DIXDC1: variants seen among roughly 807,000 people sequenced by gnomAD.
DIXDC1 encodes the protein dixin.
In DIXDC1, 64 loss-of-function variants were observed where a neutral mutation model predicts 103.1. The observed-to-expected ratio is 0.62, with a 90% confidence interval of 0.51 to 0.76. DIXDC1 has a LOEUF of 0.76. Ranked by LOEUF, DIXDC1 falls within the 30% of genes least tolerant of loss-of-function variation. The pLI is 0.00. For synonymous variants in DIXDC1, 266 were observed against 298.5 expected (o/e 0.89, Z 1.12); for missense variants, 759 against 834.2 (o/e 0.91, Z 1.11).
In DIXDC1 at chr11:111,982,324, CTT is replaced by C; in HGVS notation, c.770-12_770-11del. ...TTCTTCAACATGAACTGTACTCCCTCTTTTCATTTTTTAGAAGGGACAGATTC... is the reference window on the plus strand; with the variant it reads ...TTCTTCAACATGAACTGTACTCCCTCTTCATTTTTTAGAAGGGACAGATTC... On this transcript the variant is annotated splice_polypyrimidine_tract_variant and intron_variant, in intron 6 of 19. Transcript: ENST00000440460. 1 of 1,611,102 alleles carries C rather than the reference CTT, an allele frequency of 6.2e-7. No individual in the cohort carries two copies. Among genetic ancestry groups the C allele is most frequent in the Non-Finnish European group, 8.5e-7 (1 of 1,179,032 alleles).
chr11:111,977,312 C>CGGA lies in DIXDC1; in HGVS notation c.656+2330_656+2332dup. 1 of 1,045,896 alleles carries CGGA rather than the reference C, an allele frequency of 9.6e-7. No individual in the cohort carries two copies. The highest frequency in any genetic ancestry group is 1.2e-6 in the Non-Finnish European group (1 of 868,318). 64.8% of individuals were successfully genotyped at this position (1,045,896 alleles called of 1,614,324 possible). The stretch of plus-strand genomic sequence containing the variant: ...GCAGAGGGTGGGGCGGGGAGGGATC[C>CGGA]GGAAGGTGGCACGGAGTGGGATCGC... On this transcript the variant is annotated intron_variant, in intron 5 of 19. Coordinates refer to ENST00000440460, the MANE Select transcript of DIXDC1 (RefSeq NM_001037954.4). The surrounding 1 kb of genome is among the most constrained non-coding windows in gnomAD (Gnocchi z 6.1).
intron 1 of DIXDC1, among the ~76,000 whole-genome samples, chr11:111,956,038 C>T (rs7931988): frequency 0.042 from 6,319 of 149,772 alleles, 443 homozygotes; most frequent in African/African-American, 0.15. Context: ...GACTATTATT[C>T]AGCCTTGAAA....
chr11:111,935,549 C>T (rs1191404860), upstream of DIXDC1, among the ~76,000 whole-genome samples: 1 of 152,170 alleles, frequency 6.6e-6, no homozygotes, highest in Non-Finnish European at 1.5e-5. Context: ...CCCAGGGATC[C>T]ACCAAGTAGG....
chr11:111,992,948 C>T lies in DIXDC1; in HGVS notation c.1219-3C>T, dbSNP rs781793458. 1.2e-6 allele frequency: 2 copies of T among 1,606,220 alleles called. No individual in the cohort carries two copies. The highest frequency in any genetic ancestry group is 1.7e-6 in the Non-Finnish European group (2 of 1,176,474). On this transcript the variant is annotated splice_region_variant and splice_polypyrimidine_tract_variant and intron_variant, in intron 11 of 19. Coordinates refer to ENST00000440460, the MANE Select transcript of DIXDC1 (RefSeq NM_001037954.4). ...TGCCATGAATTCTTTCTTATTCTTG[C>T]AGGTGGATCTGCAGAGGAAGCTAGA... is the stretch of plus-strand genomic sequence containing the variant.
At chr11:111,951,318 A>G (rs187479323) in intron 1 of DIXDC1, among the ~76,000 whole-genome samples, 8 of 152,340 alleles carry the variant, frequency 5.3e-5, no homozygotes, top group Admixed American at 2.0e-4. Flanking sequence ...GGGTAATTCT[A>G]CTAAACCTTC....
intron 1 of DIXDC1, among the ~76,000 whole-genome samples, chr11:111,951,902 G>T (rs1317392555): frequency 2.8e-5 from 4 of 144,110 alleles, no homozygotes; most frequent in Admixed American, 7.2e-5. Context: ...GTCTCACTCT[G>T]TCACCCAGGT....
chr11:111,937,283 C>G (rs587720030), upstream of DIXDC1: 13 of 1,311,894 alleles, frequency 9.9e-6, no homozygotes, highest in Middle Eastern at 8.7e-4. Context: ...ATAGGAACCG[C>G]GACCGCGCCG....
rs587712158 is a variant in DIXDC1, at chr11:112,009,443, C to T, written c.1757-7248C>T. On this transcript the variant is annotated intron_variant, in intron 17 of 19. Transcript: ENST00000440460. ...AATCAACAGAAAAGGAGGGACTCCTCCCTAACTCATTTTATGAGGCCAACA... is the reference window on the plus strand; with the variant it reads ...AATCAACAGAAAAGGAGGGACTCCTTCCTAACTCATTTTATGAGGCCAACA... Among the ~76,000 whole-genome samples the T allele has an allele frequency of 2.6e-5, 4 of 152,294 alleles. No individual in the cohort carries two copies. In the South Asian group the frequency reaches 8.3e-4, roughly 32 times the overall value.
intron 3 of DIXDC1, among the ~76,000 whole-genome samples, chr11:111,971,473 G>T (rs1306791023): frequency 6.6e-6 from 1 of 152,224 alleles, no homozygotes; most frequent in East Asian, 1.9e-4. Context: ...TGGCAAGGCT[G>T]TGGAGAAAAG....
intron 17 of DIXDC1, among the ~76,000 whole-genome samples, chr11:112,004,589 C>T (rs1861176116): frequency 1.3e-5 from 2 of 152,182 alleles, no homozygotes; most frequent in African/African-American, 4.8e-5. Context: ...AGAAGCACTG[C>T]TCATCCCCCA....
At chr11:111,930,657 C>T (rs587693200) in intron 2 of DIXDC1, among the ~76,000 whole-genome samples, 58 of 152,104 alleles carry the variant, frequency 3.8e-4, no homozygotes, top group African/African-American at 1.3e-3. Context: ...CTTTTAGGTT[C>T]GCTCACCCCT....
intron 1 of DIXDC1, among the ~76,000 whole-genome samples, chr11:111,952,523 C>T (rs1043354715): frequency 6.6e-6 from 1 of 151,792 alleles, no homozygotes; most frequent in Non-Finnish European, 1.5e-5. Flanking sequence ...CCTGTCTCTA[C>T]AAAAAAATCC....
chr11:111,964,701 T>C (rs782667109), intron 2 of DIXDC1, 23 bp downstream of exon 2: 3 of 1,581,974 alleles, frequency 1.9e-6, no homozygotes, highest in South Asian at 1.2e-5. Context: ...TGGACTCTGA[T>C]ACTAGAGTAC....
intron 1 of DIXDC1, among the ~76,000 whole-genome samples, chr11:111,952,167 A>G (rs1383329591): frequency 6.6e-6 from 1 of 152,186 alleles, no homozygotes; most frequent in African/African-American, 2.4e-5. Flanking sequence ...TGCCCGTCTT[A>G]AAATCTCTTT....
Position 111,995,555 on chromosome 11 carries a change from A to G in DIXDC1, c.1680A>G (p.Gln560=), listed in dbSNP as rs1405885121. ...ATGTTATGGAGACGCAGAAGAAACA[A>G]GAAAGAAAGGTAACCCTCTTGCTGT... The part of the protein sequence containing the change: ...RLHVMETQKK[Q]ERKVRVKSPR... Residue 560 remains glutamine (Q), a synonymous_variant, in exon 16 of 20, where the codon CAA becomes CAG. Transcript: ENST00000440460. The G allele has an allele frequency of 1.2e-6, 2 of 1,613,984 alleles. No individual in the cohort carries two copies. The highest frequency in any genetic ancestry group is 1.7e-6 in the Non-Finnish European group (2 of 1,179,898).
At chr11:111,992,330 C>G in intron 10 of DIXDC1, 85 bp from the exon 11 acceptor site, 8 of 1,222,356 alleles carry the variant, frequency 6.5e-6, no homozygotes, top group Non-Finnish European at 9.2e-6. Context: ...ATGCTGGAAA[C>G]ACATTAAAGG....
At chr11:111,994,484 TAC>T (rs1228040614) in intron 14 of DIXDC1, among the ~76,000 whole-genome samples, 16 of 151,338 alleles carry the variant, frequency 1.1e-4, no homozygotes, top group South Asian at 2.1e-4. Context: ...TACATATATA[TAC>T]ACACACATAT....
chr11:111,962,538 G>A (rs1165340619), intron 1 of DIXDC1, among the ~76,000 whole-genome samples: 2 of 152,122 alleles, frequency 1.3e-5, no homozygotes, highest in Non-Finnish European at 2.9e-5. Flanking sequence ...AAAGCATGGT[G>A]CATTTGGGGA....
chr11:111,984,493 G>A (rs1413944445), intron 7 of DIXDC1, among the ~76,000 whole-genome samples: 1 of 152,038 alleles, frequency 6.6e-6, no homozygotes, highest in South Asian at 2.1e-4. Flanking sequence ...AGCCAAAATC[G>A]GGCCACCGCA....
Sources: gnomAD v4.1 joint callset for allele counts (sites outside exome capture counted in the v4.1 genomes callset) on GRCh38, gnomAD v4.1.1 for gene constraint, Gnocchi (gnomAD v3.1) non-coding constraint, MANE v1.5 for transcripts, NCBI Gene and HGNC (gene_info 2026-07-23, HGNC 2026-07-21) for gene names.